Variants in PLEKHF2 observed in about 807,000 individuals in gnomAD.
PLEKHF2 encodes the protein pleckstrin homology and FYVE domain containing 2.
PLEKHF2 carries 4 observed loss-of-function variants against 14.7 expected under a neutral mutation model. The observed-to-expected ratio is 0.27, with a 90% CI of 0.13 to 0.62. The LOEUF (loss-of-function observed/expected upper bound fraction) is 0.62. Among genes scored for constraint, PLEKHF2 ranks in the 20% least tolerant of loss-of-function variants. PLEKHF2 has a pLI of 0.85. For synonymous variants in PLEKHF2, 90 were observed against 103.5 expected (o/e 0.87, Z 0.79); for missense variants, 201 against 307.7 (o/e 0.65, Z 2.60).
rs111907566 is a variant in PLEKHF2 at position 95,141,705 on chromosome 8, G to GT, written c.-15+7691dup. ...CACACTTGACTAATTTTTGTGTTTT[G>GT]TTTTTTTTTTTTTTTTGGTAGAGAC... On this transcript the variant is annotated intron_variant, in intron 1 of 1. Coordinates refer to ENST00000315367, the MANE Select transcript of PLEKHF2 (RefSeq NM_024613.4). 6.5e-3 allele frequency among the ~76,000 whole-genome samples: 862 copies of GT among 131,650 alleles called. 1 individual carries two copies. Among genetic ancestry groups the GT allele is most frequent in the Admixed American group, 0.011 (145 of 13,018 alleles). 86.4% of individuals were successfully genotyped at this position (131,650 alleles called of 152,430 possible). A position where few individuals can be genotyped will look rare whatever the true frequency, so the allele number is the denominator to read the frequency against.
Position 95,154,031 on chromosome 8 carries a change from G to C in PLEKHF2, c.-14G>C, listed in dbSNP as rs1034563134. 13 of 1,524,998 alleles carry C rather than the reference G, an allele frequency of 8.5e-6. No homozygotes were observed. Among genetic ancestry groups the C allele is most frequent in the Non-Finnish European group, 1.1e-5 (12 of 1,136,590 alleles). The allele number at this position is 1,524,998 out of a possible 1,614,324, so 94.5% of individuals were successfully genotyped here. A position where few individuals can be genotyped will look rare whatever the true frequency, so the allele number is the denominator to read the frequency against. On this transcript the variant is annotated splice_region_variant and 5_prime_UTR_variant, in exon 2 of 2. Transcript: ENST00000315367. This position sits in a 1 kb window ranked among gnomAD's most constrained non-coding sequence, Gnocchi z 5.6. The stretch of plus-strand genomic sequence containing the variant: ...AATTTCTTTTTCTTTTTTTTAAAAG[G>C]CTATTAGTGAAAGATGGTGGATCGC...
intron 1 of PLEKHF2, among the ~76,000 whole-genome samples, chr8:95,135,282 A>G (rs1403885080): frequency 6.6e-6 from 1 of 152,246 alleles, no homozygotes; most frequent in Admixed American, 6.5e-5. Context: ...AGGCTCTTAA[A>G]CACAAATACA....
At chr8:95,137,923 CA>C (rs1334434942) in intron 1 of PLEKHF2, among the ~76,000 whole-genome samples, 1 of 152,196 alleles carries the variant, frequency 6.6e-6, no homozygotes, top group Non-Finnish European at 1.5e-5. Context: ...ACTGGTTAAG[CA>C]GCTTTTTGTC....
At chr8:95,150,622 A>G (rs2132110428) in intron 1 of PLEKHF2, among the ~76,000 whole-genome samples, 1 of 152,282 alleles carries the variant, frequency 6.6e-6, no homozygotes, top group East Asian at 1.9e-4. Flanking sequence ...ATGAACAAAG[A>G]TTTAGACTTA....
At chr8:95,148,172 T>C (rs548401573) in intron 1 of PLEKHF2, among the ~76,000 whole-genome samples, 36 of 151,320 alleles carry the variant, frequency 2.4e-4, no homozygotes, top group Non-Finnish European at 3.8e-4. Flanking sequence ...AAATTTGTTA[T>C]AAGTTTTTAT....
rs141334179 is a variant in PLEKHF2, at chr8:95,136,371, CACAT to C, written c.-15+2342_-15+2345del. 1.8e-3 allele frequency among the ~76,000 whole-genome samples: 257 copies of C among 143,670 alleles called. 1 individual carries two copies. The highest frequency in any genetic ancestry group is 7.7e-3 in the South Asian group (35 of 4,558). The allele number at this position is 143,670 out of a possible 152,430, so 94.3% of individuals were successfully genotyped here. A position where few individuals can be genotyped will look rare whatever the true frequency, so the allele number is the denominator to read the frequency against. On this transcript the variant is annotated intron_variant, in intron 1 of 1. Coordinates refer to ENST00000315367, the MANE Select transcript of PLEKHF2 (RefSeq NM_024613.4). ...ACACACACACACACACACACACACA[CACAT>C]GTTTTGTTGTTGTTTTGTTGAGAAT...
In PLEKHF2 at chr8:95,133,868, C is replaced by G. The variant is rs901037370; in HGVS notation, c.-177C>G. The stretch of plus-strand genomic sequence containing the variant: ...CGAGCGGCTGCGCTGGCGGCCAGCC[C>G]GCCCACCGCGTCTGGATCGCGCCGG... On this transcript the variant is annotated 5_prime_UTR_variant, in exon 1 of 2. Transcript: ENST00000315367. 1 of 152,504 alleles carries G rather than the reference C, an allele frequency of 6.6e-6. No individual in the cohort carries two copies. The highest frequency in any genetic ancestry group is 1.5e-5 in the Non-Finnish European group (1 of 68,382). The allele number at this position is 152,504 out of a possible 1,614,324, so 9.4% of individuals were successfully genotyped here.
chr8:95,154,478 A>C lies in PLEKHF2; in HGVS notation c.434A>C (p.His145Pro), dbSNP rs1224450002. 6 of 1,614,154 alleles carry C rather than the reference A, an allele frequency of 3.7e-6. No individual in the cohort carries two copies. The highest frequency in any genetic ancestry group is 1.3e-5 in the African/African-American group (1 of 75,052). Residue 145 changes from histidine (H) to proline (P), a missense_variant, in exon 2 of 2, where the codon CAT becomes CCT. By Grantham distance (77) the His-to-Pro change is moderately conservative. Coordinates refer to ENST00000315367, the MANE Select transcript of PLEKHF2 (RefSeq NM_024613.4). The surrounding 1 kb of genome is among the most constrained non-coding windows in gnomAD (Gnocchi z 5.6). ...SKSGKTPSNE[H>P]AAVWVPDSEA... ...AGTGGGAAGACACCCAGTAATGAAC[A>C]TGCTGCTGTCTGGGTTCCTGACTCT...
At chr8:95,144,890 A>G (rs1810479376) in intron 1 of PLEKHF2, among the ~76,000 whole-genome samples, 3 of 148,804 alleles carry the variant, frequency 2.0e-5, no homozygotes, top group Admixed American at 1.3e-4. Context: ...AAAAACCCAG[A>G]AAAAAAAACA....
chr8:95,152,608 A>C (rs1344227763), intron 1 of PLEKHF2, among the ~76,000 whole-genome samples: 1 of 152,124 alleles, frequency 6.6e-6, no homozygotes, highest in African/African-American at 2.4e-5. Flanking sequence ...CTGGCATATT[A>C]GTCCTAATTA....
chr8:95,146,966 C>T (rs570427423), intron 1 of PLEKHF2, among the ~76,000 whole-genome samples: 87 of 152,042 alleles, frequency 5.7e-4, no homozygotes, highest in African/African-American at 2.1e-3. Flanking sequence ...AAAGTGGCAA[C>T]AAAAAGTATA....
At chr8:95,144,623 T>C (rs1810475343) in intron 1 of PLEKHF2, among the ~76,000 whole-genome samples, 1 of 152,038 alleles carries the variant, frequency 6.6e-6, no homozygotes, top group Admixed American at 6.5e-5. Context: ...TCCCAGCAAT[T>C]TGGGAAGCCG....
At chr8:95,148,735 G>A (rs1810527518) in intron 1 of PLEKHF2, among the ~76,000 whole-genome samples, 1 of 152,046 alleles carries the variant, frequency 6.6e-6, no homozygotes, top group Non-Finnish European at 1.5e-5. Context: ...AGTTCTTGGT[G>A]TTTCTGGAAC....
At chr8:95,143,187 C>T (rs957875734) in intron 1 of PLEKHF2, among the ~76,000 whole-genome samples, 3 of 151,690 alleles carry the variant, frequency 2.0e-5, no homozygotes, top group African/African-American at 7.3e-5. Flanking sequence ...GCAAGCTCCG[C>T]CTCCTGGGTT....
At chr8:95,134,319 C>CGGGGGCCGCCGGGTGGGGGCCGCCGGGT (rs576157344) in intron 1 of PLEKHF2, 1 of 150,644 alleles carries the variant, frequency 6.6e-6, no homozygotes, top group African/African-American at 2.4e-5. Flanking sequence ...CGCGGGGGGA[C>CGGGGGCCGCCGGGTGGGGGCCGCCGGGT]GGGGGCCGCC....
In PLEKHF2 at chr8:95,154,645, G is replaced by A; in HGVS notation, c.601G>A (p.Val201Met). The A allele has an allele frequency of 1.2e-6, 2 of 1,614,172 alleles. No homozygotes were observed. Among genetic ancestry groups the A allele is most frequent in the Non-Finnish European group, 1.7e-6 (2 of 1,180,012 alleles). Residue 201 changes from valine (V) to methionine (M), a missense_variant, in exon 2 of 2, where the codon GTG (valine) becomes ATG (methionine). Physicochemically the swap from Val to Met is conservative, Grantham distance 21 (BLOSUM62 1). Coordinates refer to ENST00000315367, the MANE Select transcript of PLEKHF2 (RefSeq NM_024613.4). The surrounding 1 kb of genome is among the most constrained non-coding windows in gnomAD (Gnocchi z 5.6). ...FLLPSQSSKP[V>M]RICDFCYDLL... is the part of the protein sequence containing the mutation. ...TCTTCCCAGCCAGTCCTCTAAGCCT[G>A]TGCGGATTTGTGACTTCTGCTATGA...
chr8:95,149,508 AAAGC>A (rs372157989), intron 1 of PLEKHF2, among the ~76,000 whole-genome samples: 56 of 152,340 alleles, frequency 3.7e-4, no homozygotes, highest in Middle Eastern at 6.8e-3. Flanking sequence ...TAAAATGAAT[AAAGC>A]AAGATGCTTT....
At chr8:95,136,221 T>G (rs2132103480) in intron 1 of PLEKHF2, among the ~76,000 whole-genome samples, 1 of 152,290 alleles carries the variant, frequency 6.6e-6, no homozygotes, top group African/African-American at 2.4e-5. Context: ...CTTCATGAAT[T>G]TCTTTTGAAA....
At chr8:95,147,628 T>G (rs1000465072) in intron 1 of PLEKHF2, among the ~76,000 whole-genome samples, 14 of 152,010 alleles carry the variant, frequency 9.2e-5, no homozygotes, top group Admixed American at 7.2e-4. Context: ...TTCCTGCGAA[T>G]TATTTAATCA....
Sources: allele counts gnomAD v4.1 joint callset (sites outside exome capture counted in the v4.1 genomes callset), GRCh38; gene constraint gnomAD v4.1.1; non-coding constraint Gnocchi (gnomAD v3.1); transcripts MANE v1.5; gene names NCBI Gene and HGNC (gene_info 2026-07-23, HGNC 2026-07-21).